The following SLC43A3 variants were observed in gnomAD, a reference collection of about 807,000 sequenced individuals.
The protein encoded by SLC43A3 is equilibrative nucleobase transporter 1.
Under a neutral mutation model 53.3 loss-of-function variants are expected in SLC43A3, and 33 were observed. The ratio of observed to expected loss-of-function variants is 0.62; its 90% CI spans 0.47 to 0.83. The LOEUF (loss-of-function observed/expected upper bound fraction) is 0.83. Among genes scored for constraint, SLC43A3 ranks in the 40% least tolerant of loss-of-function variants. SLC43A3 has a pLI of 0.00. For missense variants in SLC43A3, 530 were observed against 610.0 expected (o/e 0.87, Z 1.38); for synonymous variants, 236 against 246.2 (o/e 0.96, Z 0.39).
chr11:57,414,506 CAAAAAAAAAAA>C (rs397849571), intron 11 of SLC43A3, 98 bp downstream of exon 11: 1 of 287,870 alleles, frequency 3.5e-6, no homozygotes, highest in Non-Finnish European at 6.4e-6. Flanking sequence ...GACTCTATCA[CAAAAAAAAAAA>C]AAAAAAAAAA....
At position 57,407,811 on chromosome 11, in the gene SLC43A3, C is replaced by T. The variant is rs772175170; in HGVS notation, c.1457G>A (p.Ser486Asn). 6.2e-7 allele frequency: 1 copy of T among 1,611,558 alleles called. No homozygotes were observed. ...TCTGAACTATGCAATTGCAGAGGGA[C>T]TTTCTTTCCAAGTACGGCATTCCCG... The part of the protein sequence containing the change: ...VYRECRTWKE[S>N]PSAIA The change falls in exon 14 of 14, where the codon AGT becomes AAT. Residue 486 changes from serine to asparagine, a missense_variant. By Grantham distance (46) the Ser-to-Asn change is conservative (BLOSUM62 1). This residue lies in a region of SLC43A3 where 124 missense variants were observed against 166.4 expected (regional missense o/e 0.75). Transcript: ENST00000395124.
In SLC43A3 at chr11:57,417,404, C is replaced by G. The variant is rs1565098651; in HGVS notation, c.671+344G>C. Among the ~76,000 whole-genome samples the G allele has an allele frequency of 2.0e-5, 3 of 152,170 alleles. No individual in the cohort carries two copies. In the South Asian group the frequency reaches 6.2e-4, roughly 32 times the overall value. ...TTGCTGGAGGATGACAGCCACGTGACCCAGGCATCCCTGTCACTCCAAACC... is the reference window on the plus strand; with the variant it reads ...TTGCTGGAGGATGACAGCCACGTGAGCCAGGCATCCCTGTCACTCCAAACC... On this transcript the variant is annotated intron_variant, in intron 8 of 13. Coordinates refer to ENST00000395124, the MANE Select transcript of SLC43A3 (RefSeq NM_199329.3).
At chr11:57,409,859 T>G (rs1437620113) in intron 12 of SLC43A3, 76 bp downstream of exon 12, 6 of 1,411,336 alleles carry the variant, frequency 4.3e-6, no homozygotes, top group Admixed American at 2.5e-5. Context: ...CCGCCTTGCC[T>G]CCCAATTTCT....
chr11:57,407,990 T>G, intron 13 of SLC43A3, 94 bp from the exon 14 acceptor site: 1 of 798,578 alleles, frequency 1.3e-6, no homozygotes, highest in Admixed American at 2.1e-5. Context: ...CCATGACCAA[T>G]GAAGGGACCA....
At chr11:57,424,544 T>C (rs934037838) in intron 4 of SLC43A3, among the ~76,000 whole-genome samples, 8 of 152,082 alleles carry the variant, frequency 5.3e-5, no homozygotes, top group African/African-American at 1.9e-4. Flanking sequence ...CAGAGTGCTA[T>C]GATTTCAGGA....
Position 57,423,983 on chromosome 11 carries a change from T to C in SLC43A3, c.360A>G (p.Ala120=). 1 of 1,614,164 alleles carries C rather than the reference T, an allele frequency of 6.2e-7. No homozygotes were observed. Among genetic ancestry groups the C allele is most frequent in the South Asian group, 1.1e-5 (1 of 91,088 alleles). The stretch of plus-strand genomic sequence containing the variant: ...TCCCACCCACCTGACAGCACTCACC[T>C]GCAGAGGTGAAGGCTATGATGAGTG... ...TATLIIAFTS[A]GSAVLLFLAM... is the part of the protein sequence containing the mutation. Residue 120 remains alanine, a splice_region_variant and synonymous_variant, in exon 5 of 14, where the codon GCA becomes GCG. Transcript: ENST00000395124.
chr11:57,419,720 C>T (rs1029446410), intron 7 of SLC43A3, among the ~76,000 whole-genome samples: 6 of 151,606 alleles, frequency 4.0e-5, no homozygotes, highest in Non-Finnish European at 5.9e-5. Flanking sequence ...TGCTTAAACC[C>T]ACTAGGCAGA....
At chr11:57,420,944 A>C (rs1472845887) in intron 7 of SLC43A3, 28 bp downstream of exon 7, 2 of 1,437,106 alleles carry the variant, frequency 1.4e-6, no homozygotes, top group African/African-American at 2.8e-5. Context: ...ACAAGTGCCC[A>C]GTGAATGTAG....
In SLC43A3 at chr11:57,409,932, T is replaced by A. The variant is rs771724563; in HGVS notation, c.1247+3A>T. ...CCACAGAGCCCGCCCCAAGGCCACT[T>A]ACGCAAGGGTGAGGAAGGCCGCGTT... On this transcript the variant is annotated splice_donor_region_variant and intron_variant, in intron 12 of 13. Transcript: ENST00000395124. 1 of 1,605,598 alleles carries A rather than the reference T, an allele frequency of 6.2e-7. No individual in the cohort carries two copies. Among genetic ancestry groups the A allele is most frequent in the East Asian group, 2.2e-5 (1 of 44,780 alleles).
chr11:57,421,265 G>A, intron 6 of SLC43A3, 32 bp downstream of exon 6: 1 of 1,574,582 alleles, frequency 6.4e-7, no homozygotes, highest in Non-Finnish European at 8.7e-7. Flanking sequence ...CCGCCACCCT[G>A]CCGAGTGCCT....
intron 9 of SLC43A3, among the ~76,000 whole-genome samples, chr11:57,416,026 C>T (rs1942701465): frequency 6.6e-6 from 1 of 152,188 alleles, no homozygotes; most frequent in South Asian, 2.1e-4. Flanking sequence ...AGTCTTCGTG[C>T]TGTGCATTAG....
chr11:57,410,852 A>C (rs1160572845), intron 11 of SLC43A3, among the ~76,000 whole-genome samples: 3 of 152,096 alleles, frequency 2.0e-5, no homozygotes, highest in African/African-American at 7.2e-5. Context: ...ATAGTGAATA[A>C]ATCTCACGAG....
intron 8 of SLC43A3, 138 bp downstream of exon 8, chr11:57,417,610 T>C: frequency 1.0e-6 from 1 of 994,564 alleles, no homozygotes; most frequent in Non-Finnish European, 1.5e-6. Flanking sequence ...AGTTTTGAGA[T>C]AGTTTGTTAT....
chr11:57,424,124 C>T (rs1943104100), intron 4 of SLC43A3, 96 bp from the exon 5 acceptor site: 1 of 1,212,694 alleles, frequency 8.2e-7, no homozygotes. Flanking sequence ...AAGTGTAGGA[C>T]TTGACCGCAC....
intron 7 of SLC43A3, 40 bp from the exon 8 acceptor site, chr11:57,417,927 T>G: frequency 6.2e-7 from 1 of 1,600,860 alleles, no homozygotes; most frequent in Non-Finnish European, 8.5e-7. Context: ...CACACCCACG[T>G]TCATAGCAGC....
chr11:57,409,492 C>T (rs1942352222), intron 12 of SLC43A3, among the ~76,000 whole-genome samples, 194 bp from the exon 13 acceptor site: 1 of 152,224 alleles, frequency 6.6e-6, no homozygotes. Context: ...GAAGAAGGCA[C>T]ATGCGGGGCC....
intron 10 of SLC43A3, 51 bp from the exon 11 acceptor site, chr11:57,414,782 T>C (rs1467987149): frequency 6.5e-7 from 1 of 1,548,518 alleles, no homozygotes; most frequent in East Asian, 2.2e-5. Context: ...AAAACTCCCT[T>C]CCAGGCAGGG....
chr11:57,420,944 A>T, intron 7 of SLC43A3, 28 bp downstream of exon 7: 1 of 1,437,224 alleles, frequency 7.0e-7, no homozygotes, highest in Non-Finnish European at 9.8e-7. Context: ...ACAAGTGCCC[A>T]GTGAATGTAG....
intron 9 of SLC43A3, among the ~76,000 whole-genome samples, chr11:57,416,236 C>T (rs1942713520): frequency 1.3e-5 from 2 of 152,046 alleles, no homozygotes; most frequent in Admixed American, 6.6e-5. Flanking sequence ...ACCCAGGAGA[C>T]CTGGAGAAAT....
Sources: gnomAD v4.1 joint callset for allele counts (sites outside exome capture counted in the v4.1 genomes callset) on GRCh38, gnomAD v4.1.1 for gene constraint, gnomAD v4.1.1 regional missense constraint, MANE v1.5 for transcripts, NCBI Gene and HGNC (gene_info 2026-07-23, HGNC 2026-07-21) for gene names.